The following ESR1 variants were observed in gnomAD, a reference collection of about 807,000 sequenced individuals.
The protein encoded by ESR1 is estrogen receptor 1.
Under a neutral mutation model 52.7 loss-of-function variants are expected in ESR1, and 12 were observed. The ratio of observed to expected loss-of-function variants is 0.23; its 90% CI spans 0.15 to 0.37. The LOEUF is 0.37. Ranked by LOEUF, ESR1 falls within the 10% of genes least tolerant of loss-of-function variation. The pLI is 1.00. For synonymous variants in ESR1, 305 were observed against 316.8 expected (o/e 0.96, Z 0.39); for missense variants, 584 against 779.7 (o/e 0.75, Z 2.99).
chr6:152,108,304 T>C (rs1265650963), intron 6 of ESR1, among the ~76,000 whole-genome samples: 5 of 152,202 alleles, frequency 3.3e-5, no homozygotes, highest in African/African-American at 1.2e-4. Context: ...CCTTGTTCTG[T>C]TGCTGACCAA....
chr6:151,895,054 G>A (rs1254705061), intron 3 of ESR1, among the ~76,000 whole-genome samples: 8 of 151,130 alleles, frequency 5.3e-5, no homozygotes, highest in Admixed American at 5.3e-4. Context: ...TGTCATCTAT[G>A]ATTTATTTCT....
At chr6:151,974,226 G>T (rs1037457868) in intron 4 of ESR1, among the ~76,000 whole-genome samples, 1 of 152,164 alleles carries the variant, frequency 6.6e-6, no homozygotes, top group Non-Finnish European at 1.5e-5. Context: ...ATGACACAAT[G>T]ATCTAATTTA....
intron 4 of ESR1, among the ~76,000 whole-genome samples, chr6:151,980,394 G>A (rs901655028): frequency 6.6e-6 from 1 of 152,110 alleles, no homozygotes; most frequent in African/African-American, 2.4e-5. Context: ...TTCAGTGTCT[G>A]GCATCTGTTC....
intron 6 of ESR1, among the ~76,000 whole-genome samples, chr6:152,071,098 G>C (rs373028494): frequency 5.1e-4 from 64 of 124,526 alleles, no homozygotes; most frequent in African/African-American, 1.4e-3. Flanking sequence ...GAGGCATAGG[G>C]ACTGCTCCCT....
chr6:151,983,625 C>T (rs1399668000), intron 4 of ESR1: 1 of 152,096 alleles, frequency 6.6e-6, no homozygotes, highest in Non-Finnish European at 1.5e-5. Flanking sequence ...AAATAAATCT[C>T]ATCTTATTGC....
At chr6:152,079,864 A>G (rs2049049589) in intron 6 of ESR1, among the ~76,000 whole-genome samples, 1 of 152,232 alleles carries the variant, frequency 6.6e-6, no homozygotes, top group South Asian at 2.1e-4. Flanking sequence ...TCGATAGCTG[A>G]TTTGATCAAG....
intron 6 of ESR1, among the ~76,000 whole-genome samples, chr6:152,077,153 A>G (rs769209597): frequency 2.6e-5 from 4 of 152,148 alleles, no homozygotes; most frequent in Non-Finnish European, 4.4e-5. Context: ...TGTGCAGCCT[A>G]GGAACTTGGT....
chr6:151,842,032 A>G (rs1448382950), intron 1 of ESR1, among the ~76,000 whole-genome samples: 1 of 152,158 alleles, frequency 6.6e-6, no homozygotes, highest in African/African-American at 2.4e-5. Flanking sequence ...ACATGTTCCT[A>G]AAGAGGAGTT....
chr6:151,963,223 A>C (rs2128605449), intron 4 of ESR1, among the ~76,000 whole-genome samples: 1 of 152,286 alleles, frequency 6.6e-6, no homozygotes, highest in African/African-American at 2.4e-5. Flanking sequence ...CTTGAGCAGA[A>C]TGTTTGGATT....
rs531535937 is a variant in ESR1, at chr6:151,851,653, G to A, written c.643+8866G>A. On this transcript the variant is annotated intron_variant, in intron 2 of 7. Coordinates refer to ENST00000206249, the MANE Select transcript of ESR1 (RefSeq NM_000125.4). ...AGCAATTCTCCTGCCTCAGCCTCCC[G>A]AGTAGCTAGGATTACAGGCGTCCAC... 2.1e-4 allele frequency among the ~76,000 whole-genome samples: 32 copies of A among 151,058 alleles called. 1 individual carries two copies. The highest frequency in any genetic ancestry group is 7.3e-4 in the Admixed American group (11 of 15,108).
At chr6:152,122,689 T>G (rs2051700605) in intron 6 of ESR1, 6 of 1,613,676 alleles carry the variant, frequency 3.7e-6, no homozygotes, top group Non-Finnish European at 5.1e-6. Flanking sequence ...GAGAGAAGAA[T>G]GGACATAAAT....
intron 1 of ESR1, among the ~76,000 whole-genome samples, chr6:151,841,650 G>T: frequency 1.4e-5 from 2 of 147,764 alleles, no homozygotes; most frequent in South Asian, 2.2e-4. Flanking sequence ...TATTTTCTTG[G>T]TTTTCCTAGA....
At chr6:151,976,482 C>G (rs2039447845) in intron 4 of ESR1, among the ~76,000 whole-genome samples, 1 of 151,972 alleles carries the variant, frequency 6.6e-6, no homozygotes, top group Admixed American at 6.6e-5. Context: ...GCTTTCACAC[C>G]ATGCCTATAA....
At chr6:151,675,191 A>G (rs1296561763) in intron 1 of ESR1, among the ~76,000 whole-genome samples, 1 of 152,226 alleles carries the variant, frequency 6.6e-6, no homozygotes, top group Non-Finnish European at 1.5e-5. Flanking sequence ...TAGTGCACTG[A>G]GTGAATGTAT....
At chr6:151,916,033 G>A (rs1199671933) in intron 3 of ESR1, among the ~76,000 whole-genome samples, 1 of 152,140 alleles carries the variant, frequency 6.6e-6, no homozygotes, top group Non-Finnish European at 1.5e-5. Flanking sequence ...GGATCCAGTT[G>A]GTAATTGGTG....
intron 6 of ESR1, among the ~76,000 whole-genome samples, chr6:152,111,127 C>T (rs1357152584): frequency 2.0e-5 from 3 of 152,164 alleles, no homozygotes; most frequent in Non-Finnish European, 4.4e-5. Flanking sequence ...CACCCTCCCC[C>T]CGTTGCCACA....
chr6:151,969,957 A>G (rs1019547071), intron 4 of ESR1, among the ~76,000 whole-genome samples: 1 of 151,332 alleles, frequency 6.6e-6, no homozygotes, highest in South Asian at 2.1e-4. Flanking sequence ...TTGCCTCCCT[A>G]TGTGTCCCCT....
At chr6:151,729,857 G>T (rs1367144289) in intron 2 of ESR1, among the ~76,000 whole-genome samples, 3 of 152,140 alleles carry the variant, frequency 2.0e-5, no homozygotes, top group Admixed American at 6.5e-5. Context: ...GGAGGCCAAG[G>T]TGGGAGGATC....
intron 1 of ESR1, among the ~76,000 whole-genome samples, chr6:151,672,345 T>G (rs891208641): frequency 6.6e-6 from 1 of 151,826 alleles, no homozygotes; most frequent in Non-Finnish European, 1.5e-5. Context: ...ATTTGTATTT[T>G]TTTTTTTTTG....
Sources: gnomAD v4.1 joint callset for allele counts (sites outside exome capture counted in the v4.1 genomes callset) on GRCh38, gnomAD v4.1.1 for gene constraint, MANE v1.5 for transcripts, NCBI Gene and HGNC (gene_info 2026-07-23, HGNC 2026-07-21) for gene names.